Variants in PTK7 observed in about 807,000 individuals in gnomAD.
The protein encoded by PTK7 is protein tyrosine kinase 7 (inactive), also known as inactive tyrosine-protein kinase 7.
In PTK7, 39 loss-of-function variants were observed where a neutral mutation model predicts 116.6. That is an observed-to-expected ratio of 0.33 (90% CI 0.26 to 0.44). The LOEUF is 0.44. Among genes scored for constraint, PTK7 ranks in the 20% least tolerant of loss-of-function variants. The pLI is 1.00. For missense variants in PTK7, 1,169 were observed against 1,425.6 expected, an observed-to-expected ratio of 0.82 and a Z score of 2.90; for synonymous variants, 546 against 563.6, an observed-to-expected ratio of 0.97 and a Z score of 0.44.
intron 1 of PTK7, among the ~76,000 whole-genome samples, chr6:43,118,287 A>G (rs1768679467): frequency 6.6e-6 from 1 of 152,010 alleles, no homozygotes; most frequent in South Asian, 2.1e-4. Context: ...CTGTAATCCC[A>G]GTACTTTGGG....
At chr6:43,158,036 T>C (rs560219524) in intron 17 of PTK7, among the ~76,000 whole-genome samples, 49 of 152,160 alleles carry the variant, frequency 3.2e-4, no homozygotes, top group African/African-American at 1.0e-3. Context: ...CAGTGGCTCA[T>C]GCCTGTAATC....
chr6:43,132,530 G>A lies in PTK7; in HGVS notation c.1071G>A (p.Glu357=), dbSNP rs754259650. 26 of 1,613,418 alleles carry A rather than the reference G, an allele frequency of 1.6e-5. No individual in the cohort carries two copies. Among genetic ancestry groups the A allele is most frequent in the Middle Eastern group, 1.6e-4 (1 of 6,080 alleles). Residue 357 remains glutamate, a synonymous_variant, in exon 7 of 20, where the codon GAG becomes GAA. Coordinates refer to ENST00000230419, the MANE Select transcript of PTK7 (RefSeq NM_002821.5). ...KGLPEPSVWW[E]HAGVRLPTHG... ...TGCCAGAGCCCAGCGTGTGGTGGGAGCACGCGGGAGTCCGGCTGCCCACCC... is the reference window on the plus strand; with the variant it reads ...TGCCAGAGCCCAGCGTGTGGTGGGAACACGCGGGAGTCCGGCTGCCCACCC...
chr6:43,087,771 T>C (rs1250505568), intron 1 of PTK7, among the ~76,000 whole-genome samples: 1 of 152,162 alleles, frequency 6.6e-6, no homozygotes, highest in Non-Finnish European at 1.5e-5. Context: ...CCTTACAGGC[T>C]CTCCTTACCC....
At chr6:43,083,666 T>C (rs1766494757) in intron 1 of PTK7, among the ~76,000 whole-genome samples, 1 of 152,196 alleles carries the variant, frequency 6.6e-6, no homozygotes, top group Admixed American at 6.5e-5. Context: ...CTTTCCCCTC[T>C]CGCAACTTGG....
At chr6:43,108,878 G>A (rs1231724262) in intron 1 of PTK7, among the ~76,000 whole-genome samples, 3 of 152,122 alleles carry the variant, frequency 2.0e-5, no homozygotes, top group Non-Finnish European at 4.4e-5. Context: ...TAAAATCATG[G>A]TATTCTGTTT....
Position 43,129,300 on chromosome 6 carries a change from C to T in PTK7, c.367+36C>T. 1 of 1,611,516 alleles carries T rather than the reference C, an allele frequency of 6.2e-7. No homozygotes were observed. The highest frequency in any genetic ancestry group is 1.1e-5 in the South Asian group (1 of 90,850). On this transcript the variant is annotated intron_variant, in intron 2 of 19. Transcript: ENST00000230419. This position sits in a 1 kb window ranked among gnomAD's most constrained non-coding sequence, Gnocchi z 4.5. ...GGGGGGCTGTGCCCAGTCCCCCTGT[C>T]AGACCCTCAATGACTGAGGCCTGGG...
chr6:43,130,283 A>G lies in PTK7; in HGVS notation c.524A>G (p.Asn175Ser), dbSNP rs771554221. ...DGTPLSDGQS[N>S]HTVSSKERNL... ...ACCCCCCTTTCTGATGGTCAGAGCA[A>G]CCACACAGTCAGCAGCAAGGAGCGG... The change falls in exon 4 of 20, where the codon AAC (asparagine) becomes AGC (serine). Residue 175 changes from asparagine (N) to serine (S), a missense_variant. By Grantham distance (46) the Asn-to-Ser change is conservative. Transcript: ENST00000230419. The G allele has an allele frequency of 1.2e-6, 2 of 1,610,014 alleles. No individual in the cohort carries two copies. The highest frequency in any genetic ancestry group is 8.5e-7 in the Non-Finnish European group (1 of 1,177,276).
chr6:43,126,673 A>G (rs1043458783), intron 1 of PTK7, among the ~76,000 whole-genome samples: 7 of 152,234 alleles, frequency 4.6e-5, no homozygotes, highest in African/African-American at 1.7e-4. Context: ...GCTCTGCCAC[A>G]TATGAGCTAT....
intron 17 of PTK7, among the ~76,000 whole-genome samples, chr6:43,147,824 T>A (rs1770811379): frequency 6.6e-6 from 1 of 152,098 alleles, no homozygotes; most frequent in African/African-American, 2.4e-5. Flanking sequence ...GCAGGAACTG[T>A]GTATAGTGGC....
chr6:43,084,521 A>G (rs935386235), intron 1 of PTK7, among the ~76,000 whole-genome samples: 5 of 152,210 alleles, frequency 3.3e-5, no homozygotes, highest in South Asian at 2.1e-4. Flanking sequence ...AGCCATAAGG[A>G]GAATTTATCA....
chr6:43,092,765 A>G (rs1482500953), intron 1 of PTK7, among the ~76,000 whole-genome samples: 2 of 152,142 alleles, frequency 1.3e-5, no homozygotes, highest in African/African-American at 4.8e-5. Flanking sequence ...GGAGGTTATA[A>G]CTGTGATGGT....
intron 7 of PTK7, 154 bp from the exon 8 acceptor site, chr6:43,138,695 C>T: frequency 9.3e-7 from 1 of 1,081,008 alleles, no homozygotes; most frequent in South Asian, 2.0e-5. Context: ...GGTGCTGGCA[C>T]CTGGGTCTTC....
At chr6:43,157,853 A>G (rs542095660) in intron 17 of PTK7, among the ~76,000 whole-genome samples, 13 of 152,182 alleles carry the variant, frequency 8.5e-5, no homozygotes, top group Non-Finnish European at 1.9e-4. Context: ...CAGCCTCCCC[A>G]GTAGCTGGGA....
chr6:43,144,906 G>A (rs917116460), intron 15 of PTK7: 8 of 417,438 alleles, frequency 1.9e-5, no homozygotes, highest in Middle Eastern at 6.1e-4. Context: ...GAGAAATCAT[G>A]GGTTTGTCAT....
chr6:43,138,931 C>T lies in PTK7; in HGVS notation c.1311C>T (p.Ala437=), dbSNP rs1421999928. The change falls in exon 8 of 20, where the codon GCC becomes GCT. Residue 437 remains alanine, a synonymous_variant. Transcript: ENST00000230419. ...GCTACTTGGATTGCCTGACCCAGGC[C>T]ACACCAAAACCTACAGTTGTCTGGT... The part of the protein sequence containing the change: ...KPGYLDCLTQ[A]TPKPTVVWYR... 1.2e-6 allele frequency: 2 copies of T among 1,614,160 alleles called. No homozygotes were observed. The highest frequency in any genetic ancestry group is 1.7e-5 in the Admixed American group (1 of 60,026).
In PTK7 at chr6:43,129,869, G is replaced by T; in HGVS notation, c.470+40G>T. 6.3e-7 allele frequency: 1 copy of T among 1,576,838 alleles called. No homozygotes were observed. The highest frequency in any genetic ancestry group is 1.1e-5 in the South Asian group (1 of 90,048). On this transcript the variant is annotated intron_variant, in intron 3 of 19. Coordinates refer to ENST00000230419, the MANE Select transcript of PTK7 (RefSeq NM_002821.5). This position sits in a 1 kb window ranked among gnomAD's most constrained non-coding sequence, Gnocchi z 4.5. ...AGGTGGGGATGAAGAGGGTTATTCC[G>T]GACAGGGATGTCTCCCCAAATCTTG...
In PTK7 at chr6:43,129,966, C is replaced by T. The variant is rs931522508; in HGVS notation, c.470+137C>T. The T allele has an allele frequency of 7.2e-5, 68 of 946,546 alleles. No homozygotes were observed. The highest frequency in any genetic ancestry group is 2.9e-4 in the Admixed American group (14 of 47,686). 58.6% of individuals were successfully genotyped at this position (946,546 alleles called of 1,614,324 possible). ...CACCACCACAGTGCTCTTCACCCTG[C>T]CCTCCCCCAGATATTGCCCTATGCC... On this transcript the variant is annotated intron_variant, in intron 3 of 19. Coordinates refer to ENST00000230419, the MANE Select transcript of PTK7 (RefSeq NM_002821.5). This position sits in a 1 kb window ranked among gnomAD's most constrained non-coding sequence, Gnocchi z 4.5.
At position 43,146,016 on chromosome 6, in the gene PTK7, A is replaced by G. The variant is rs183682517; in HGVS notation, c.2640+584A>G. ...TGGGGCAAGAGCGGGCAGGAGTCCT[A>G]TCAGTCTTTCCATTAACAAGTACTT... On this transcript the variant is annotated intron_variant, in intron 16 of 19. Transcript: ENST00000230419. 353 of 152,810 alleles carry G rather than the reference A, an allele frequency of 2.3e-3. 1 individual carries two copies. Among genetic ancestry groups the G allele is most frequent in the Non-Finnish European group, 3.9e-3 (267 of 68,518 alleles). 9.5% of individuals were successfully genotyped at this position (152,810 alleles called of 1,614,324 possible). A position where few individuals can be genotyped will look rare whatever the true frequency, so the allele number is the denominator to read the frequency against.
intron 1 of PTK7, among the ~76,000 whole-genome samples, chr6:43,125,178 A>T (rs952933838): frequency 6.6e-6 from 1 of 152,218 alleles, no homozygotes; most frequent in Non-Finnish European, 1.5e-5. Flanking sequence ...TGTCTCAAAA[A>T]ACAAAAAAAA....
Sources: gnomAD v4.1 joint callset for allele counts (sites outside exome capture counted in the v4.1 genomes callset) on GRCh38, gnomAD v4.1.1 for gene constraint, Gnocchi (gnomAD v3.1) non-coding constraint, MANE v1.5 for transcripts, NCBI Gene and HGNC (gene_info 2026-07-23, HGNC 2026-07-21) for gene names.